Variants in GTF2I observed in about 807,000 individuals in gnomAD.
The protein encoded by GTF2I is general transcription factor II-I.
In GTF2I, 12 loss-of-function variants were observed where a neutral mutation model predicts 67.6. The ratio of observed to expected loss-of-function variants is 0.18; its 90% CI spans 0.11 to 0.29. GTF2I has a LOEUF of 0.29. GTF2I is among the 10% of genes least tolerant of loss of function. The pLI is 1.00. For missense variants in GTF2I, 271 were observed against 580.1 expected (o/e 0.47, Z 5.47); for synonymous variants, 149 against 197.0 (o/e 0.76, Z 2.04).
chr7:74,672,635 G>GA (rs1805559624), intron 1 of GTF2I, among the ~76,000 whole-genome samples: 1 of 152,138 alleles, frequency 6.6e-6, no homozygotes, highest in Admixed American at 6.6e-5. Flanking sequence ...AGCCTATGGA[G>GA]ATAAACTCTT....
intron 8 of GTF2I, among the ~76,000 whole-genome samples, chr7:74,708,855 C>T (rs1289094155): frequency 3.3e-5 from 5 of 152,266 alleles, no homozygotes; most frequent in African/African-American, 9.6e-5. Context: ...TGTACAACAA[C>T]GAGACAACTG....
At chr7:74,696,188 G>T (rs1788878300) in intron 3 of GTF2I, among the ~76,000 whole-genome samples, 1 of 151,660 alleles carries the variant, frequency 6.6e-6, no homozygotes, top group African/African-American at 2.4e-5. Context: ...TGCCCTGTTG[G>T]CCTGGCTGGT....
intron 12 of GTF2I, among the ~76,000 whole-genome samples, chr7:74,723,041 T>C (rs1289079929): frequency 6.6e-6 from 1 of 152,076 alleles, no homozygotes; most frequent in Non-Finnish European, 1.5e-5. Context: ...GACTGCAGCA[T>C]ATAATTAGGG....
Position 74,732,457 on chromosome 7 carries a change from CTT to C in GTF2I, c.1121-20_1121-19del. 1 of 1,477,286 alleles carries C rather than the reference CTT, an allele frequency of 6.8e-7. No homozygotes were observed. The allele number at this position is 1,477,286 out of a possible 1,614,324, so 91.5% of individuals were successfully genotyped here. On this transcript the variant is annotated intron_variant, in intron 14 of 34. Transcript: ENST00000573035. ...TACAAATTGTGTTTAAATGATATCT[CTT>C]TCTCTTTTTGTCCTTATAGCTCAAG...
At chr7:74,715,133 C>T (rs185717760) in intron 10 of GTF2I, among the ~76,000 whole-genome samples, 17 of 151,986 alleles carry the variant, frequency 1.1e-4, no homozygotes, top group African/African-American at 3.1e-4. Flanking sequence ...TAATGAATCT[C>T]GAAATGGGTA....
At chr7:74,723,718 A>G (rs141930270) in intron 12 of GTF2I, among the ~76,000 whole-genome samples, 1,824 of 152,030 alleles carry the variant, frequency 0.012, 41 homozygotes, top group African/African-American at 0.042. Flanking sequence ...GGCATGAACC[A>G]CCGCGCCTGG....
intron 1 of GTF2I, among the ~76,000 whole-genome samples, chr7:74,665,989 G>A (rs984614304): frequency 3.3e-5 from 5 of 152,238 alleles, no homozygotes; most frequent in South Asian, 2.1e-4. Context: ...ACAGGCGTGC[G>A]CCACCATGCC....
At chr7:74,682,612 C>T (rs1787363579) in intron 1 of GTF2I, among the ~76,000 whole-genome samples, 1 of 152,146 alleles carries the variant, frequency 6.6e-6, no homozygotes, top group South Asian at 2.1e-4. Context: ...GCTGCCTTCA[C>T]CCTAGGCTTA....
intron 1 of GTF2I, among the ~76,000 whole-genome samples, chr7:74,665,506 C>G (rs1430848108): frequency 2.6e-5 from 4 of 152,098 alleles, no homozygotes; most frequent in African/African-American, 9.7e-5. Flanking sequence ...CCCACCTCAG[C>G]CTCTCAAAGG....
intron 1 of GTF2I, among the ~76,000 whole-genome samples, chr7:74,662,613 C>T (rs1350774061): frequency 2.1e-5 from 3 of 144,282 alleles, no homozygotes; most frequent in African/African-American, 7.9e-5. Flanking sequence ...ACCTCTGCCT[C>T]CTGGGTTGAA....
chr7:74,723,370 GC>G (rs1329203262), intron 12 of GTF2I, among the ~76,000 whole-genome samples: 3 of 140,542 alleles, frequency 2.1e-5, no homozygotes, highest in African/African-American at 8.1e-5. Context: ...CTCGTGATCC[GC>G]CCACCTCACC....
chr7:74,714,894 G>A lies in GTF2I; in HGVS notation c.801G>A (p.Gln267=). Residue 267 remains glutamine (Q), a synonymous_variant, in exon 10 of 35, where the codon CAG becomes CAA. Coordinates refer to ENST00000573035, the MANE Select transcript of GTF2I (RefSeq NM_032999.4). ...PSETDDVDEK[Q]PLSKPLQGSH... is the part of the protein sequence containing the mutation. ...AAACTGATGATGTTGATGAAAAACA[G>A]CCCCTATCGAAGCCTTTGCAAGGTA... 1 of 1,606,406 alleles carries A rather than the reference G, an allele frequency of 6.2e-7. No homozygotes were observed. Among genetic ancestry groups the A allele is most frequent in the Non-Finnish European group, 8.5e-7 (1 of 1,175,232 alleles).
chr7:74,701,761 A>G (rs1462429282), intron 6 of GTF2I, among the ~76,000 whole-genome samples: 1 of 152,122 alleles, frequency 6.6e-6, no homozygotes, highest in Non-Finnish European at 1.5e-5. Flanking sequence ...CACTGTGCCC[A>G]GCCAAATTCA....
intron 9 of GTF2I, 42 bp downstream of exon 9, chr7:74,711,151 G>T (rs782047285): frequency 2.3e-6 from 2 of 874,018 alleles, no homozygotes; most frequent in Non-Finnish European, 3.5e-6. Context: ...AAAATTATTC[G>T]TGGTTAAAAT....
At chr7:74,695,205 A>T (rs111721149) in intron 3 of GTF2I, among the ~76,000 whole-genome samples, 13 of 152,144 alleles carry the variant, frequency 8.5e-5, no homozygotes, top group African/African-American at 3.1e-4. Context: ...ATCTCAGCTC[A>T]CTGCAACCTC....
intron 3 of GTF2I, among the ~76,000 whole-genome samples, chr7:74,692,165 C>T (rs1170383946): frequency 6.6e-6 from 1 of 151,540 alleles, no homozygotes; most frequent in African/African-American, 2.4e-5. Context: ...CTTCCACCTC[C>T]TGTATTCAAG....
chr7:74,668,903 A>C (rs4717905), intron 1 of GTF2I, among the ~76,000 whole-genome samples: 119,521 of 151,810 alleles, frequency 0.79, 47,215 homozygotes, highest in East Asian at 0.94. Flanking sequence ...TTAAAAATAC[A>C]TTAATTTATT....
At chr7:74,661,574 G>A (rs1804495973) in intron 1 of GTF2I, among the ~76,000 whole-genome samples, 1 of 152,092 alleles carries the variant, frequency 6.6e-6, no homozygotes, top group African/African-American at 2.4e-5. Context: ...AGCTACTTGG[G>A]GAGGCTGAGG....
intron 1 of GTF2I, among the ~76,000 whole-genome samples, chr7:74,658,755 G>A (rs1042159973): frequency 2.0e-5 from 3 of 151,734 alleles, no homozygotes; most frequent in Non-Finnish European, 4.4e-5. Context: ...GCCCCGCGGG[G>A]CCTGTTCTTT....
Sources: allele counts gnomAD v4.1 joint callset (sites outside exome capture counted in the v4.1 genomes callset), GRCh38; gene constraint gnomAD v4.1.1; transcripts MANE v1.5; gene names NCBI Gene and HGNC (gene_info 2026-07-23, HGNC 2026-07-21).